Variants in PIH1D2 observed in about 807,000 individuals in gnomAD.
PIH1D2 encodes the protein PIH1 domain containing 2.
PIH1D2 carries 25 observed loss-of-function variants against 31.2 expected under a neutral mutation model. The observed-to-expected ratio is 0.80, with a 90% CI of 0.58 to 1.12. The LOEUF (loss-of-function observed/expected upper bound fraction) is 1.12. PIH1D2 is among the 50% of genes most tolerant of loss of function. The pLI, the probability that PIH1D2 is intolerant of heterozygous loss-of-function variation, is 0.00. For missense variants in PIH1D2, 310 were observed against 356.6 expected (o/e 0.87, Z 1.05); for synonymous variants, 116 against 119.9 (o/e 0.97, Z 0.21).
At chr11:112,054,401 T>A in the PIH1D2 span, among the ~76,000 whole-genome samples, 2 of 152,140 alleles carry the variant, frequency 1.3e-5, no homozygotes, top group Non-Finnish European at 2.9e-5. Flanking sequence ...GTGTTAATAT[T>A]TGAATGCCTG....
Position 112,070,416 on chromosome 11 carries a change from G to A in PIH1D2, c.813+20C>T. The A allele has an allele frequency of 6.2e-7, 1 of 1,607,228 alleles. No individual in the cohort carries two copies. Among genetic ancestry groups the A allele is most frequent in the Non-Finnish European group, 8.5e-7 (1 of 1,174,782 alleles). ...GAATGCTGGCCAATACAAATTTACAGTGTTATCTATTCAACTTACCTCAGA... is the reference window on the plus strand; with the variant it reads ...GAATGCTGGCCAATACAAATTTACAATGTTATCTATTCAACTTACCTCAGA... On this transcript the variant is annotated intron_variant, in intron 5 of 5. Coordinates refer to ENST00000280350, the MANE Select transcript of PIH1D2 (RefSeq NM_138789.4).
At chr11:112,064,227 A>C, downstream of PIH1D2, 1 of 1,555,234 alleles carries the variant, frequency 6.4e-7, no homozygotes, top group Non-Finnish European at 8.7e-7. Context: ...GTTCCCTTGA[A>C]AAAAAATAAA....
chr11:112,056,911 C>CT, the PIH1D2 span, among the ~76,000 whole-genome samples: 1 of 152,068 alleles, frequency 6.6e-6, no homozygotes, highest in African/African-American at 2.4e-5. Flanking sequence ...ATTTATTGTG[C>CT]TTTTTTATAA....
intron 2 of PIH1D2, among the ~76,000 whole-genome samples, 194 bp from the exon 3 acceptor site, chr11:112,071,952 G>T (rs781926866): frequency 6.6e-6 from 1 of 152,078 alleles, no homozygotes; most frequent in South Asian, 2.1e-4. Flanking sequence ...AATTAGCCAG[G>T]TGTGGTGGTG....
At chr11:112,067,782 G>A (rs1864985500), downstream of PIH1D2, 1 of 1,462,412 alleles carries the variant, frequency 6.8e-7, no homozygotes, top group African/African-American at 1.5e-5. Context: ...TGGTGTTTAA[G>A]ATAAACTACT....
downstream of PIH1D2, chr11:112,067,685 A>AAATATATATATAT: frequency 1.7e-4 from 3 of 17,804 alleles, no homozygotes; most frequent in Non-Finnish European, 2.2e-4. Flanking sequence ...AAAAAAAAAA[A>AAATATATATATAT]ATATATATAT....
intron 5 of PIH1D2, chr11:112,069,904 C>CT (rs1865055833): frequency 6.2e-6 from 1 of 161,086 alleles, no homozygotes; most frequent in Non-Finnish European, 1.4e-5. Context: ...GAGTACATAA[C>CT]TTTTTTTACA....
rs782317033 is a variant in PIH1D2 at position 112,073,052 on chromosome 11, C to T, written c.123G>A (p.Gly41=). Residue 41 remains glycine (G), a synonymous_variant, in exon 2 of 6, where the codon GGG becomes GGA. Transcript: ENST00000280350. The part of the protein sequence containing the change: ...EKFIQQQLKE[G]KQLCAAPEPQ... ...GTTCTGGGGCAGCACAGAGCTGTTT[C>T]CCTTCTTTCAGCTGCTGCTGAATAA... 35 of 1,613,980 alleles carry T rather than the reference C, an allele frequency of 2.2e-5. No homozygotes were observed. Among genetic ancestry groups the T allele is most frequent in the Non-Finnish European group, 1.7e-6 (2 of 1,180,008 alleles).
At chr11:112,066,553 G>A (rs899989379), downstream of PIH1D2, among the ~76,000 whole-genome samples, 1 of 151,378 alleles carries the variant, frequency 6.6e-6, no homozygotes, top group Admixed American at 6.6e-5. Context: ...CAGGAGAAAC[G>A]CTTGAACCCA....
chr11:112,052,704 A>G, the PIH1D2 span, among the ~76,000 whole-genome samples: 1 of 152,084 alleles, frequency 6.6e-6, no homozygotes, highest in Non-Finnish European at 1.5e-5. Context: ...AGAAAAAGGA[A>G]AGGAAGAAAA....
downstream of PIH1D2, among the ~76,000 whole-genome samples, chr11:112,065,720 C>A (rs1419054709): frequency 6.6e-6 from 1 of 152,196 alleles, no homozygotes; most frequent in African/African-American, 2.4e-5. Context: ...GTGGCTCACG[C>A]CTGTAATCCC....
chr11:112,058,217 C>A, the PIH1D2 span, among the ~76,000 whole-genome samples: 1 of 152,200 alleles, frequency 6.6e-6, no homozygotes, highest in African/African-American at 2.4e-5. Context: ...GGAATACTGT[C>A]CTTACTGTCT....
downstream of PIH1D2, among the ~76,000 whole-genome samples, chr11:112,059,041 T>C (rs1241203586): frequency 2.0e-5 from 3 of 151,590 alleles, no homozygotes; most frequent in African/African-American, 7.3e-5. Flanking sequence ...ACAGAAGATC[T>C]GATATTGTGT....
At chr11:112,060,781 A>T (rs1482779287), downstream of PIH1D2, among the ~76,000 whole-genome samples, 1 of 152,158 alleles carries the variant, frequency 6.6e-6, no homozygotes, top group Non-Finnish European at 1.5e-5. Context: ...CGTAACTCTT[A>T]TTGACACACC....
chr11:112,073,294 G>A (rs1463102945), intron 1 of PIH1D2, 89 bp from the exon 2 acceptor site: 1 of 929,158 alleles, frequency 1.1e-6, no homozygotes, highest in African/African-American at 1.7e-5. Context: ...GTCAGGAATT[G>A]TTTTGGTGAA....
chr11:112,064,350 G>T, downstream of PIH1D2: 4 of 725,050 alleles, frequency 5.5e-6, no homozygotes, highest in South Asian at 2.6e-5. Context: ...TAGTGTTTTT[G>T]GTTCATATGA....
At chr11:112,072,525 G>A (rs901130099) in intron 2 of PIH1D2, among the ~76,000 whole-genome samples, 3 of 110,402 alleles carry the variant, frequency 2.7e-5, no homozygotes, top group Admixed American at 1.4e-4. Context: ...CAGCTTGAGC[G>A]ACAGAGCCAG....
chr11:112,072,893 AAAAAAAC>A lies in PIH1D2; in HGVS notation c.177+98_177+104del, dbSNP rs1452644763. 34 of 1,211,884 alleles carry A rather than the reference AAAAAAAC, an allele frequency of 2.8e-5. No individual in the cohort carries two copies. In the African/African-American group the frequency reaches 5.0e-4, roughly 18 times the overall value. The allele number at this position is 1,211,884 out of a possible 1,614,324, so 75.1% of individuals were successfully genotyped here. A position where few individuals can be genotyped will look rare whatever the true frequency, so the allele number is the denominator to read the frequency against. On this transcript the variant is annotated intron_variant, in intron 2 of 5. Transcript: ENST00000280350. ...ACAAAACAAAACAAAACAAAACAAA[AAAAAAAC>A]AAAAAAAATTAGCAATACCTAAGTG...
intron 5 of PIH1D2, among the ~76,000 whole-genome samples, chr11:112,068,996 T>TG (rs1865025979): frequency 1.4e-5 from 2 of 141,884 alleles, no homozygotes; most frequent in African/African-American, 2.8e-5. Flanking sequence ...TTTTTTTTTT[T>TG]TGTTTTTTTT....
Sources: allele counts gnomAD v4.1 joint callset (sites outside exome capture counted in the v4.1 genomes callset), GRCh38; gene constraint gnomAD v4.1.1; transcripts MANE v1.5; gene names NCBI Gene and HGNC (gene_info 2026-07-23, HGNC 2026-07-21).